THOC5: variants seen among roughly 807,000 people sequenced by gnomAD.
THOC5 encodes the protein Fms-interacting protein.
A neutral mutation model predicts 92.9 loss-of-function variants in THOC5; 43 were observed. That is an observed-to-expected ratio of 0.46 (90% confidence interval 0.36 to 0.60). The LOEUF is 0.60. Ranked by LOEUF, THOC5 falls within the 20% of genes least tolerant of loss-of-function variation. THOC5 has a pLI of 0.00. For synonymous variants in THOC5, 296 were observed against 320.1 expected, an observed-to-expected ratio of 0.92 and a Z score of 0.80; for missense variants, 659 against 849.4, an observed-to-expected ratio of 0.78 and a Z score of 2.79.
Position 29,528,188 on chromosome 22 carries a change from G to C in THOC5, c.967-11C>G. 1.9e-6 allele frequency: 3 copies of C among 1,613,842 alleles called. No individual in the cohort carries two copies. The highest frequency in any genetic ancestry group is 2.5e-6 in the Non-Finnish European group (3 of 1,179,942). ...GGGTCTCCGGCGCTTCTGGACAAAG[G>C]AAAGTGCCAAGCTGATGAGCATCAG... is the stretch of plus-strand genomic sequence containing the variant. On this transcript the variant is annotated splice_polypyrimidine_tract_variant and intron_variant, in intron 10 of 19. Transcript: ENST00000490103.
chr22:29,548,533 C>T (rs980326176), intron 2 of THOC5, among the ~76,000 whole-genome samples: 15 of 152,170 alleles, frequency 9.9e-5, no homozygotes, highest in Non-Finnish European at 1.6e-4. Flanking sequence ...CCGACGTGAG[C>T]GACACAGTGA....
rs927575610 is a variant in THOC5 at position 29,527,768 on chromosome 22, T to C, written c.1066+310A>G. On this transcript the variant is annotated intron_variant, in intron 11 of 19. Transcript: ENST00000490103. ...AAGTTCTACTTACATTTATTAAACA[T>C]GTTGGTCTTACTAAAAACCTGTATA... Among the ~76,000 whole-genome samples, 7 of 152,220 alleles carry C rather than the reference T, an allele frequency of 4.6e-5. 1 individual carries two copies. Among genetic ancestry groups the C allele is most frequent in the Admixed American group, 3.9e-4 (6 of 15,284 alleles).
At position 29,544,390 on chromosome 22, in the gene THOC5, T is replaced by C. The variant is rs1340236808; in HGVS notation, c.240+70A>G. 6.6e-6 allele frequency: 10 copies of C among 1,524,678 alleles called. No individual in the cohort carries two copies. In the African/African-American group the frequency reaches 1.2e-4, roughly 19 times the overall value. The allele number at this position is 1,524,678 out of a possible 1,614,324, so 94.4% of individuals were successfully genotyped here. On this transcript the variant is annotated intron_variant, in intron 3 of 19. Coordinates refer to ENST00000490103, the MANE Select transcript of THOC5 (RefSeq NM_003678.5). The stretch of plus-strand genomic sequence containing the variant: ...AGAAGATCAAGATCAGGAAGGGCCC[T>C]GGTAGGTGCAAAAACAGCCTCATCT...
intron 2 of THOC5, among the ~76,000 whole-genome samples, chr22:29,547,020 T>C (rs1327676563): frequency 6.6e-6 from 1 of 151,772 alleles, no homozygotes; most frequent in African/African-American, 2.4e-5. Flanking sequence ...TTTATTGTAT[T>C]TTTAGTAGAG....
At chr22:29,546,723 A>G (rs546800683) in intron 2 of THOC5, among the ~76,000 whole-genome samples, 16 of 152,016 alleles carry the variant, frequency 1.1e-4, no homozygotes, top group African/African-American at 3.9e-4. Flanking sequence ...TACAAGCGTG[A>G]GCCACCGTGC....
intron 2 of THOC5, 92 bp from the exon 3 acceptor site, chr22:29,544,695 A>G: frequency 7.6e-7 from 1 of 1,307,476 alleles, no homozygotes; most frequent in East Asian, 2.5e-5. Context: ...CTTTTAGATA[A>G]AAACAGTAAC....
At chr22:29,510,299 G>A (rs1215159739) in intron 19 of THOC5, among the ~76,000 whole-genome samples, 1 of 152,154 alleles carries the variant, frequency 6.6e-6, no homozygotes, top group African/African-American at 2.4e-5. Flanking sequence ...CACCATTTCT[G>A]TCTTTAGAAA....
At chr22:29,517,408 G>C in intron 15 of THOC5, 42 bp from the exon 16 acceptor site, 1 of 1,574,920 alleles carries the variant, frequency 6.3e-7, no homozygotes, top group Non-Finnish European at 8.7e-7. Context: ...GTAGAAATCA[G>C]GTGCCACAGA....
chr22:29,531,780 C>A, intron 8 of THOC5, 51 bp downstream of exon 8: 1 of 1,583,028 alleles, frequency 6.3e-7, no homozygotes, highest in Non-Finnish European at 8.6e-7. Context: ...TTCACTCGGC[C>A]ACAGCTGCTG....
At chr22:29,536,588 G>T in intron 7 of THOC5, 36 bp downstream of exon 7, 1 of 1,275,096 alleles carries the variant, frequency 7.8e-7, no homozygotes, top group Non-Finnish European at 1.1e-6. Context: ...CGCCTGGTCA[G>T]TGGTGAAGGC....
intron 1 of THOC5, among the ~76,000 whole-genome samples, chr22:29,551,380 G>A (rs927663351): frequency 6.6e-6 from 1 of 152,072 alleles, no homozygotes; most frequent in African/African-American, 2.4e-5. Context: ...GTTGCAATGA[G>A]CCGAGATCGC....
intron 15 of THOC5, among the ~76,000 whole-genome samples, chr22:29,518,329 G>T (rs2063373115): frequency 6.6e-6 from 1 of 152,136 alleles, no homozygotes; most frequent in Non-Finnish European, 1.5e-5. Context: ...CACTGCGCCT[G>T]TCCCAGAGAC....
intron 19 of THOC5, among the ~76,000 whole-genome samples, chr22:29,510,124 G>A (rs964665285): frequency 3.9e-5 from 6 of 152,142 alleles, no homozygotes; most frequent in Non-Finnish European, 7.3e-5. Context: ...GGAAATAAAG[G>A]ACCCAAAATG....
rs2063766823 is a variant in THOC5, at chr22:29,536,701, C to G, written c.637G>C (p.Glu213Gln). 2 of 1,613,682 alleles carry G rather than the reference C, an allele frequency of 1.2e-6. No individual in the cohort carries two copies. Among genetic ancestry groups the G allele is most frequent in the Non-Finnish European group, 1.7e-6 (2 of 1,179,584 alleles). Residue 213 changes from glutamate (E) to glutamine (Q), a missense_variant, in exon 7 of 20, where the codon GAG (glutamate) becomes CAG (glutamine). Glu to Gln is a conservative substitution (Grantham distance 29). Coordinates refer to ENST00000490103, the MANE Select transcript of THOC5 (RefSeq NM_003678.5). ...ACCTCAATCTCCTTGAGAATCTTCT[C>G]CTTGTTAGATAGGCACTCTCGGTAC... is the stretch of plus-strand genomic sequence containing the variant. ...EKYRECLSNK[E>Q]KILKEIEVKK...
At chr22:29,543,899 A>G (rs947358165) in intron 3 of THOC5, among the ~76,000 whole-genome samples, 1 of 152,188 alleles carries the variant, frequency 6.6e-6, no homozygotes, top group Non-Finnish European at 1.5e-5. Context: ...TTAAATGGAA[A>G]ATAACAGAAT....
intron 17 of THOC5, among the ~76,000 whole-genome samples, chr22:29,516,565 A>T (rs2063336430): frequency 2.0e-5 from 3 of 152,210 alleles, no homozygotes; most frequent in Non-Finnish European, 4.4e-5. Context: ...ATGCCAGAAG[A>T]GGTATGAAGA....
chr22:29,535,302 C>CGGT lies in THOC5; in HGVS notation c.714+1319_714+1321dup, dbSNP rs1311675048. On this transcript the variant is annotated intron_variant, in intron 7 of 19. Coordinates refer to ENST00000490103, the MANE Select transcript of THOC5 (RefSeq NM_003678.5). ...AAAAGCATTTTAAAGTCATGGGGGG[C>CGGT]GGTGGCAAAGGTGGGTAAGGAAAAG... is the stretch of plus-strand genomic sequence containing the variant. 4 of 130,194 alleles carry CGGT rather than the reference C, an allele frequency of 3.1e-5. 1 individual carries two copies. Among genetic ancestry groups the CGGT allele is most frequent in the East Asian group, 4.3e-4 (2 of 4,628 alleles). 8.1% of individuals were successfully genotyped at this position (130,194 alleles called of 1,614,324 possible).
intron 10 of THOC5, 56 bp from the exon 11 acceptor site, chr22:29,528,233 C>G: frequency 5.6e-6 from 9 of 1,614,028 alleles, no homozygotes; most frequent in Non-Finnish European, 7.6e-6. Context: ...TCTCCCCTTC[C>G]CTCTCCCAAC....
Position 29,544,548 on chromosome 22 carries a change from T to A in THOC5, c.152A>T (p.Asp51Val), listed in dbSNP as rs1478588289. ...AEVDLRDPGR[D>V]YELYKYTCQE... ...GCAGGTGTACTTGTATAACTCATAG[T>A]CTCTGCCAGGGTCCCGCAGATCCAC... Residue 51 changes from aspartate (D) to valine (V), a missense_variant, in exon 3 of 20, where the codon GAC becomes GTC. By Grantham distance (152) the Asp-to-Val change is radical. Coordinates refer to ENST00000490103, the MANE Select transcript of THOC5 (RefSeq NM_003678.5). 1 of 1,613,844 alleles carries A rather than the reference T, an allele frequency of 6.2e-7. No individual in the cohort carries two copies. Among genetic ancestry groups the A allele is most frequent in the African/African-American group, 1.3e-5 (1 of 74,898 alleles).
Sources: allele counts gnomAD v4.1 joint callset (sites outside exome capture counted in the v4.1 genomes callset), GRCh38; gene constraint gnomAD v4.1.1; transcripts MANE v1.5; gene names NCBI Gene and HGNC (gene_info 2026-07-23, HGNC 2026-07-21).